Variants in IQGAP1 observed in about 807,000 individuals in gnomAD.
IQGAP1 encodes the protein ras GTPase-activating-like protein IQGAP1.
In IQGAP1, 66 loss-of-function variants were observed where a neutral mutation model predicts 215.6. The observed-to-expected ratio is 0.31, with a 90% CI of 0.25 to 0.38. The LOEUF is 0.38. Ranked by LOEUF, IQGAP1 falls within the 10% of genes least tolerant of loss-of-function variation. The pLI is 1.00. For synonymous variants in IQGAP1, 772 were observed against 728.7 expected (o/e 1.06, Z -0.96); for missense variants, 1,712 against 1,997.1 (o/e 0.86, Z 2.72).
intron 2 of IQGAP1, among the ~76,000 whole-genome samples, chr15:90,404,286 A>G (rs1164950665): frequency 1.3e-5 from 2 of 152,204 alleles, no homozygotes; most frequent in Non-Finnish European, 2.9e-5. Flanking sequence ...TACATATAAG[A>G]AGGCTGTTTC....
intron 8 of IQGAP1, 46 bp downstream of exon 8, chr15:90,441,730 G>C: frequency 1.5e-6 from 2 of 1,347,806 alleles, no homozygotes; most frequent in South Asian, 1.3e-5. Context: ...ATATTATTCC[G>C]TCATTTGATA....
intron 2 of IQGAP1, among the ~76,000 whole-genome samples, chr15:90,414,756 T>C (rs530588269): frequency 2.0e-5 from 3 of 152,182 alleles, no homozygotes; most frequent in Admixed American, 1.3e-4. Flanking sequence ...ATTTAGGTCT[T>C]CAGCAACAGG....
At chr15:90,442,101 TTATCTC>T (rs1856719136) in intron 8 of IQGAP1, among the ~76,000 whole-genome samples, 1 of 152,194 alleles carries the variant, frequency 6.6e-6, no homozygotes, top group African/African-American at 2.4e-5. Flanking sequence ...TTTGGAAAGA[TTATCTC>T]TAAATATTAA....
At chr15:90,429,794 A>G (rs1965277363) in intron 4 of IQGAP1, 128 bp downstream of exon 4, 2 of 545,950 alleles carry the variant, frequency 3.7e-6, no homozygotes, top group Non-Finnish European at 6.5e-6. Flanking sequence ...ATACTAAAAG[A>G]TGTCTTTCTT....
At chr15:90,433,954 C>T (rs1965336220) in intron 5 of IQGAP1, among the ~76,000 whole-genome samples, 159 bp downstream of exon 5, 1 of 152,002 alleles carries the variant, frequency 6.6e-6, no homozygotes, top group Non-Finnish European at 1.5e-5. Context: ...TGGTGAGAAA[C>T]AGCTGTGTTT....
intron 26 of IQGAP1, among the ~76,000 whole-genome samples, chr15:90,481,267 CTCTTTTT>C (rs767948121): frequency 3.3e-5 from 4 of 119,590 alleles, no homozygotes; most frequent in African/African-American, 1.5e-4. Flanking sequence ...CTCTCTCTGC[CTCTTTTT>C]TTTTTTTTTT....
chr15:90,416,519 C>T (rs2151009705), intron 2 of IQGAP1, among the ~76,000 whole-genome samples: 1 of 151,970 alleles, frequency 6.6e-6, no homozygotes, highest in East Asian at 1.9e-4. Flanking sequence ...ACAGTCCCTC[C>T]AGCAGTGTAA....
chr15:90,489,151 G>A (rs1966170054), intron 33 of IQGAP1, among the ~76,000 whole-genome samples: 1 of 143,652 alleles, frequency 7.0e-6, no homozygotes. Context: ...TTTAATTTGA[G>A]ACAGAGTCTC....
At chr15:90,429,505 TGAG>T (rs1965273217) in intron 3 of IQGAP1, 81 bp from the exon 4 acceptor site, 10 of 1,045,484 alleles carry the variant, frequency 9.6e-6, no homozygotes, top group South Asian at 1.6e-5. Flanking sequence ...TCAAATCTCT[TGAG>T]GAAACTTTTG....
intron 19 of IQGAP1, 89 bp from the exon 20 acceptor site, chr15:90,473,626 T>G: frequency 2.2e-6 from 2 of 907,522 alleles, no homozygotes; most frequent in Non-Finnish European, 3.5e-6. Flanking sequence ...GAAATTGCAC[T>G]TGGATCATGT....
At position 90,466,329 on chromosome 15, in the gene IQGAP1, T is replaced by C. The variant is rs551596531; in HGVS notation, c.1928T>C (p.Leu643Pro). Residue 643 changes from leucine (L) to proline (P), a missense_variant, in exon 17 of 38, where the codon CTG (leucine) becomes CCG (proline). Coordinates refer to ENST00000268182, the MANE Select transcript of IQGAP1 (RefSeq NM_003870.4). The stretch of plus-strand genomic sequence containing the variant: ...GAAAGTGGTGATGTTGGCAAAACAC[T>C]GAGTGCCCTTCGCTCCCCTGATGTT... ...AVESGDVGKT[L>P]SALRSPDVGL... 4.3e-6 allele frequency: 7 copies of C among 1,614,160 alleles called. No individual in the cohort carries two copies. In the East Asian group the frequency reaches 1.6e-4, roughly 36 times the overall value.
chr15:90,446,560 A>G (rs1965530175), intron 9 of IQGAP1, among the ~76,000 whole-genome samples: 1 of 152,210 alleles, frequency 6.6e-6, no homozygotes, highest in African/African-American at 2.4e-5. Flanking sequence ...TAAGAGGGTG[A>G]GGATAAGGCA....
At chr15:90,480,581 G>T (rs935249306) in intron 26 of IQGAP1, among the ~76,000 whole-genome samples, 1 of 151,964 alleles carries the variant, frequency 6.6e-6, no homozygotes, top group Non-Finnish European at 1.5e-5. Flanking sequence ...GTTGATTTTT[G>T]CAGAATTTTT....
intron 15 of IQGAP1, among the ~76,000 whole-genome samples, chr15:90,461,877 C>T (rs560583455): frequency 6.6e-6 from 1 of 151,714 alleles, no homozygotes; most frequent in Non-Finnish European, 1.5e-5. Flanking sequence ...CGGTGGCTTA[C>T]ACCTGTAATC....
chr15:90,483,350 G>T lies in IQGAP1; in HGVS notation c.3556-11G>T, dbSNP rs924557106. 3.1e-6 allele frequency: 5 copies of T among 1,593,920 alleles called. No homozygotes were observed. The African/African-American group carries it at 5.4e-5, about 17-fold the overall frequency. ...CTTTTAATACCCATCTTTCTGTTTC[G>T]TCTGTTCCAGATTATTGGTAACTTG... On this transcript the variant is annotated splice_polypyrimidine_tract_variant and intron_variant, in intron 28 of 37. Coordinates refer to ENST00000268182, the MANE Select transcript of IQGAP1 (RefSeq NM_003870.4).
At chr15:90,480,322 C>T (rs926429036) in intron 26 of IQGAP1, among the ~76,000 whole-genome samples, 2 of 151,736 alleles carry the variant, frequency 1.3e-5, no homozygotes, top group African/African-American at 4.8e-5. Flanking sequence ...TGCAGGTAAG[C>T]ATCACAGGTC....
chr15:90,470,453 G>A (rs1965890033), intron 18 of IQGAP1, among the ~76,000 whole-genome samples: 1 of 152,162 alleles, frequency 6.6e-6, no homozygotes, highest in Non-Finnish European at 1.5e-5. Context: ...GAGAAAATCT[G>A]TTTCTGACAA....
intron 2 of IQGAP1, among the ~76,000 whole-genome samples, chr15:90,398,645 A>AATACTG (rs1964760039): frequency 6.6e-6 from 1 of 152,152 alleles, no homozygotes; most frequent in Admixed American, 6.5e-5. Flanking sequence ...TTGTGCTGAG[A>AATACTG]ATACTGATGT....
At chr15:90,483,674 C>G in intron 29 of IQGAP1, 81 bp downstream of exon 29, 1 of 997,528 alleles carries the variant, frequency 1.0e-6, no homozygotes, top group Non-Finnish European at 1.5e-6. Context: ...TTAAAAACCA[C>G]CTCTCACTTT....
Sources: gnomAD v4.1 joint callset for allele counts (sites outside exome capture counted in the v4.1 genomes callset) on GRCh38, gnomAD v4.1.1 for gene constraint, MANE v1.5 for transcripts, NCBI Gene and HGNC (gene_info 2026-07-23, HGNC 2026-07-21) for gene names.